Variants in SAGE1 observed in about 807,000 individuals in gnomAD.
SAGE1 encodes the protein sarcoma antigen 1.
SAGE1 carries 55 observed loss-of-function variants against 55.4 expected under a neutral mutation model. The ratio of observed to expected loss-of-function variants is 0.99; its 90% CI spans 0.80 to 1.24. The LOEUF is 1.24. Among genes scored for constraint, SAGE1 ranks in the 50% most tolerant of loss-of-function variants. The pLI is 0.00. For synonymous variants in SAGE1, 240 were observed against 244.3 expected, an observed-to-expected ratio of 0.98 and a Z score of 0.17; for missense variants, 710 against 704.4, an observed-to-expected ratio of 1.01 and a Z score of -0.09.
intron 5 of SAGE1, 106 bp from the exon 6 acceptor site, chrX:135,905,918 C>T: frequency 2.7e-6 from 2 of 729,030 alleles, no homozygotes; most frequent in Non-Finnish European, 4.0e-6. Context: ...ATATGTCCTC[C>T]TGGTTTATGG....
At position 135,911,288 on chromosome X, in the gene SAGE1, A is replaced by G; in HGVS notation, c.2102A>G (p.Asn701Ser). The change falls in exon 17 of 20, where the codon AAT becomes AGT. Residue 701 changes from asparagine (N) to serine (S), a missense_variant. Transcript: ENST00000370709. The part of the protein sequence containing the change: ...SLSTVPPGCI[N>S]LSGAGISCRS... ...TCAACGGTTCCACCTGGTTGTATTA[A>G]TCTGTCAGGAGCTGGTATTTCATGC... 8.3e-7 allele frequency: 1 copy of G among 1,209,222 alleles called. No homozygotes were observed. Among genetic ancestry groups the G allele is most frequent in the Non-Finnish European group, 1.1e-6 (1 of 893,810 alleles).
At chrX:135,909,511 G>T in intron 13 of SAGE1, 128 bp from the exon 14 acceptor site, 1 of 698,306 alleles carries the variant, frequency 1.4e-6, no homozygotes, top group Non-Finnish European at 2.1e-6. Flanking sequence ...AGGGGTCTCA[G>T]ATCACCACCT....
intron 2 of SAGE1, among the ~76,000 whole-genome samples, chrX:135,897,869 G>C (rs1456461149): frequency 9.1e-6 from 1 of 110,139 alleles, no homozygotes; most frequent in African/African-American, 3.3e-5. Context: ...TGCCCTGCCC[G>C]ACGTGTCCAT....
Position 135,907,369 on chromosome X carries a change from C to G in SAGE1, c.934C>G (p.Pro312Ala). Residue 312 changes from proline (P) to alanine (A), a missense_variant, in exon 9 of 20, where the codon CCT becomes GCT. By Grantham distance (27) the Pro-to-Ala change is conservative (BLOSUM62 -1). Coordinates refer to ENST00000370709, the MANE Select transcript of SAGE1 (RefSeq NM_001381902.1). ...GAAGATGGAAAATGACCAACCGCAA[C>G]CTAATAACGTATTGTCAACTGTTCA... ...EEKMENDQPQ[P>A]NNVLSTVQPV... The G allele has an allele frequency of 2.5e-6, 3 of 1,207,214 alleles. No individual in the cohort carries two copies. Among genetic ancestry groups the G allele is most frequent in the Non-Finnish European group, 3.4e-6 (3 of 891,750 alleles).
chrX:135,902,286 T>C (rs1386758950), intron 3 of SAGE1, among the ~76,000 whole-genome samples: 1 of 111,944 alleles, frequency 8.9e-6, no homozygotes, highest in Non-Finnish European at 1.9e-5. Flanking sequence ...CTCACCATTA[T>C]ACTTCTACAC....
Position 135,907,523 on chromosome X carries a change from G to A in SAGE1, c.1018+70G>A, listed in dbSNP as rs1422662349. Reference sequence around the variant, plus strand: ...GAATGCACAGTGTCATAAAGGGAAGGAGGTTGTTTTATTGGATTCTCTTTC... The same window carrying A: ...GAATGCACAGTGTCATAAAGGGAAGAAGGTTGTTTTATTGGATTCTCTTTC... On this transcript the variant is annotated intron_variant, in intron 9 of 19. Transcript: ENST00000370709. 1.2e-5 allele frequency: 13 copies of A among 1,059,802 alleles called. No homozygotes were observed. The Admixed American group carries it at 1.8e-4, about 14-fold the overall frequency. 87.3% of individuals were successfully genotyped at this position (1,059,802 alleles called of 1,213,427 possible).
At chrX:135,897,175 T>C (rs1405472026) in intron 2 of SAGE1, among the ~76,000 whole-genome samples, 2 of 112,308 alleles carry the variant, frequency 1.8e-5, no homozygotes. Flanking sequence ...CACTAGGTGA[T>C]GTTGCCATGA....
At position 135,912,778 on chromosome X, in the gene SAGE1, G is replaced by C; in HGVS notation, c.2616-20G>C. On this transcript the variant is annotated intron_variant, in intron 19 of 19. Coordinates refer to ENST00000370709, the MANE Select transcript of SAGE1 (RefSeq NM_001381902.1). ...TCCTGTAGGTATCCTCTGGTGAATG[G>C]AATACCTCTTTAATTTCAGGTTTAA... The C allele has an allele frequency of 8.3e-7, 1 of 1,203,815 alleles. No homozygotes were observed. Among genetic ancestry groups the C allele is most frequent in the South Asian group, 1.8e-5 (1 of 56,066 alleles).
At chrX:135,898,271 G>T (rs1388054602) in intron 2 of SAGE1, among the ~76,000 whole-genome samples, 1 of 111,547 alleles carries the variant, frequency 9.0e-6, no homozygotes, top group Non-Finnish European at 1.9e-5. Context: ...CGCCCGCCTT[G>T]GCCTCCCAAA....
chrX:135,906,079 A>C lies in SAGE1; in HGVS notation c.510A>C (p.Gln170His). The change falls in exon 6 of 20, where the codon CAA becomes CAC. Residue 170 changes from glutamine to histidine, a missense_variant. Coordinates refer to ENST00000370709, the MANE Select transcript of SAGE1 (RefSeq NM_001381902.1). ...AGAGAATGGAAAATGGCCAACCCCA[A>C]CCTGATAACGTCTTGTCAACTGGTC... is the stretch of plus-strand genomic sequence containing the variant. Reference protein sequence around the residue: ...REERMENGQPQPDNVLSTGPT... With the variant: ...REERMENGQPHPDNVLSTGPT... The C allele has an allele frequency of 8.3e-7, 1 of 1,206,923 alleles. No individual in the cohort carries two copies. The highest frequency in any genetic ancestry group is 1.1e-6 in the Non-Finnish European group (1 of 891,586).
chrX:135,906,137 A>G lies in SAGE1; in HGVS notation c.568A>G (p.Ile190Val), dbSNP rs782222781. The part of the protein sequence containing the change: ...TGLINMAATP[I>V]PAMSARDLYA... ...GCTTATTAATATGGCAGCAACTCCT[A>G]TTCCAGCCATGAGTGCCAGAGATCT... The change falls in exon 6 of 20, where the codon ATT (isoleucine) becomes GTT (valine). Residue 190 changes from isoleucine (I) to valine (V), a missense_variant. Physicochemically the swap from Ile to Val is conservative, Grantham distance 29. Coordinates refer to ENST00000370709, the MANE Select transcript of SAGE1 (RefSeq NM_001381902.1). 15 of 1,205,634 alleles carry G rather than the reference A, an allele frequency of 1.2e-5. No homozygotes were observed. In the South Asian group the frequency reaches 2.3e-4, roughly 19 times the overall value.
intron 19 of SAGE1, 165 bp from the exon 20 acceptor site, chrX:135,912,633 C>T (rs2088918443): frequency 1.3e-6 from 1 of 751,465 alleles, no homozygotes; most frequent in Middle Eastern, 7.6e-4. Flanking sequence ...TGTATGTGGG[C>T]CCTCAGTTGA....
At chrX:135,896,811 C>T (rs782707440) in intron 2 of SAGE1, among the ~76,000 whole-genome samples, 1 of 110,828 alleles carries the variant, frequency 9.0e-6, no homozygotes, top group East Asian at 2.8e-4. Flanking sequence ...CCGCCCACCT[C>T]GCCTCCCAAA....
chrX:135,899,740 A>G (rs1363359859), intron 2 of SAGE1, among the ~76,000 whole-genome samples: 1 of 110,390 alleles, frequency 9.1e-6, no homozygotes, highest in Admixed American at 9.7e-5. Context: ...TAGGTAATTT[A>G]TTCTTTTTGT....
At chrX:135,912,639 G>A in intron 19 of SAGE1, 159 bp from the exon 20 acceptor site, 1 of 751,803 alleles carries the variant, frequency 1.3e-6, no homozygotes, top group South Asian at 6.8e-5. Flanking sequence ...TGGGCCCTCA[G>A]TTGACTCACT....
chrX:135,907,222 A>G lies in SAGE1; in HGVS notation c.878-91A>G, dbSNP rs781922205. On this transcript the variant is annotated intron_variant, in intron 8 of 19. Coordinates refer to ENST00000370709, the MANE Select transcript of SAGE1 (RefSeq NM_001381902.1). The stretch of plus-strand genomic sequence containing the variant: ...GTCATGTCCTCCTGCTTTATGCAAT[A>G]ATTTCTTAGAAGCTGAGCATCATAG... 24 of 1,080,169 alleles carry G rather than the reference A, an allele frequency of 2.2e-5. No homozygotes were observed. In the East Asian group the frequency reaches 7.3e-4, roughly 33 times the overall value. 89.0% of individuals were successfully genotyped at this position (1,080,169 alleles called of 1,213,427 possible).
chrX:135,901,539 T>C lies in SAGE1; in HGVS notation c.88-20T>C. Reference sequence around the variant, plus strand: ...GGTTGGATTTGTCTTTAATGGAATATGTTCACTGATGTTTTTCAGCAAATG... The same window carrying C: ...GGTTGGATTTGTCTTTAATGGAATACGTTCACTGATGTTTTTCAGCAAATG... On this transcript the variant is annotated intron_variant, in intron 2 of 19. Transcript: ENST00000370709. 1 of 1,201,315 alleles carries C rather than the reference T, an allele frequency of 8.3e-7. No homozygotes were observed. Among genetic ancestry groups the C allele is most frequent in the Non-Finnish European group, 1.1e-6 (1 of 889,657 alleles).
intron 4 of SAGE1, among the ~76,000 whole-genome samples, chrX:135,904,933 T>C (rs782154800): frequency 3.6e-5 from 4 of 111,745 alleles, no homozygotes; most frequent in Non-Finnish European, 7.5e-5. Flanking sequence ...GATAATGTCA[T>C]GTCAAATGTT....
chrX:135,905,250 A>G lies in SAGE1; in HGVS notation c.314-2A>G. On this transcript the variant is annotated splice_acceptor_variant, in intron 4 of 19. Transcript: ENST00000370709. LOFTEE classifies it high-confidence loss of function. ...AACTCAACCTGTTCCATCGGTTTCCAGATGCTACCATCGCTCACAATATCC... is the reference window on the plus strand; with the variant it reads ...AACTCAACCTGTTCCATCGGTTTCCGGATGCTACCATCGCTCACAATATCC... 1.7e-6 allele frequency: 2 copies of G among 1,207,533 alleles called. No homozygotes were observed. The highest frequency in any genetic ancestry group is 2.2e-6 in the Non-Finnish European group (2 of 892,348).
Sources: gnomAD v4.1 joint callset for allele counts (sites outside exome capture counted in the v4.1 genomes callset) on GRCh38, gnomAD v4.1.1 for gene constraint, MANE v1.5 for transcripts, NCBI Gene and HGNC (gene_info 2026-07-23, HGNC 2026-07-21) for gene names.